The following GARRE1 variants were observed in gnomAD, a reference collection of about 807,000 sequenced individuals.
GARRE1 encodes the protein granule associated Rac and RHOG effector protein 1.
Under a neutral mutation model 103.2 loss-of-function variants are expected in GARRE1, and 49 were observed. The observed-to-expected ratio is 0.47, with a 90% CI of 0.38 to 0.60. GARRE1 has a LOEUF of 0.60. Ranked by LOEUF, GARRE1 falls within the 20% of genes least tolerant of loss-of-function variation. GARRE1 has a pLI of 0.00. For synonymous variants in GARRE1, 505 were observed against 532.8 expected (o/e 0.95, Z 0.72); for missense variants, 1,199 against 1,370.5 (o/e 0.87, Z 1.98).
At chr19:34,294,371 C>T (rs1317181640) in intron 1 of GARRE1, among the ~76,000 whole-genome samples, 1 of 151,274 alleles carries the variant, frequency 6.6e-6, no homozygotes, top group African/African-American at 2.4e-5. Context: ...TGCAATGAGC[C>T]ATGATTGTAT....
intron 1 of GARRE1, among the ~76,000 whole-genome samples, chr19:34,263,261 T>TAGAG (rs933855348): frequency 2.6e-4 from 29 of 110,128 alleles, no homozygotes; most frequent in East Asian, 1.1e-3. Flanking sequence ...CCTCTCTCGA[T>TAGAG]AGAGAGATAG....
chr19:34,348,858 A>C, intron 11 of GARRE1, 158 bp from the exon 12 acceptor site: 1 of 751,680 alleles, frequency 1.3e-6, no homozygotes, highest in Non-Finnish European at 2.2e-6. Context: ...TTTTGAAATA[A>C]GGCAAAGGAG....
intron 3 of GARRE1, among the ~76,000 whole-genome samples, chr19:34,325,718 G>A (rs368852581): frequency 2.6e-5 from 4 of 152,272 alleles, no homozygotes; most frequent in African/African-American, 9.6e-5. Flanking sequence ...AGCACGACCT[G>A]CCTAGACCTG....
intron 1 of GARRE1, among the ~76,000 whole-genome samples, chr19:34,257,324 A>C (rs2073680240): frequency 6.6e-6 from 1 of 152,154 alleles, no homozygotes; most frequent in Admixed American, 6.6e-5. Context: ...CTGGGATATC[A>C]CATGGGTTGG....
At chr19:34,283,975 G>T (rs1191625052) in intron 1 of GARRE1, among the ~76,000 whole-genome samples, 1 of 151,226 alleles carries the variant, frequency 6.6e-6, no homozygotes, top group Admixed American at 6.6e-5. Flanking sequence ...GGGACTACAG[G>T]CGCCCGCCAC....
intron 1 of GARRE1, among the ~76,000 whole-genome samples, chr19:34,259,457 A>G (rs954657553): frequency 3.9e-5 from 6 of 152,222 alleles, no homozygotes; most frequent in Admixed American, 1.3e-4. Context: ...CAGCCCAGTT[A>G]CTTTACTGGA....
chr19:34,275,232 A>G (rs946287310), intron 1 of GARRE1, among the ~76,000 whole-genome samples: 1 of 151,688 alleles, frequency 6.6e-6, no homozygotes, highest in Non-Finnish European at 1.5e-5. Context: ...ATTTTTTGTA[A>G]CAGCTTTATT....
chr19:34,275,680 A>G (rs775198644), intron 1 of GARRE1, among the ~76,000 whole-genome samples: 3 of 152,294 alleles, frequency 2.0e-5, no homozygotes, highest in African/African-American at 4.8e-5. Flanking sequence ...TACTGCTCCA[A>G]ACGTTCATCT....
chr19:34,352,627 A>T lies in GARRE1; in HGVS notation c.2905-20A>T. 1 of 1,595,966 alleles carries T rather than the reference A, an allele frequency of 6.3e-7. No individual in the cohort carries two copies. Among genetic ancestry groups the T allele is most frequent in the Non-Finnish European group, 8.6e-7 (1 of 1,165,496 alleles). On this transcript the variant is annotated intron_variant, in intron 13 of 13. Transcript: ENST00000299505. ...ATACATTGCCCGAAATGCCACTAAG[A>T]ACTCTCTTTTGTTTCTCAGGATAAC... is the stretch of plus-strand genomic sequence containing the variant.
intron 2 of GARRE1, among the ~76,000 whole-genome samples, chr19:34,302,723 G>C (rs995312496): frequency 1.1e-4 from 17 of 149,392 alleles, no homozygotes; most frequent in Admixed American, 4.0e-4. Context: ...TACATTTCTT[G>C]GGGTCTTTGA....
rs1568538067 is a variant in GARRE1 at position 34,307,689 on chromosome 19, TTATATATACATATATACTTATATATATAC to T, written c.495+6748_495+6776del. On this transcript the variant is annotated intron_variant, in intron 2 of 13. Transcript: ENST00000299505. ...TATATACTTATATATACATATATACTTATATATACATATATACTTATATATATACTATATATACATATATACTTATATAT... is the reference window on the plus strand; with the variant it reads ...TATATACTTATATATACATATATACTTATATATACATATATACTTATATAT... 1.9e-3 allele frequency among the ~76,000 whole-genome samples: 98 copies of T among 51,818 alleles called. 1 individual carries two copies. Among genetic ancestry groups the T allele is most frequent in the Non-Finnish European group, 6.6e-3 (82 of 12,372 alleles). 34.0% of individuals were successfully genotyped at this position (51,818 alleles called of 152,430 possible).
intron 1 of GARRE1, among the ~76,000 whole-genome samples, chr19:34,266,475 C>T (rs1474064060): frequency 2.6e-5 from 4 of 152,200 alleles, no homozygotes; most frequent in African/African-American, 9.6e-5. Context: ...GATTCCCCTG[C>T]CTCAGCCTCC....
intron 2 of GARRE1, among the ~76,000 whole-genome samples, chr19:34,303,879 G>C (rs1405993129): frequency 6.6e-6 from 1 of 152,120 alleles, no homozygotes; most frequent in African/African-American, 2.4e-5. Flanking sequence ...GACTCCCAAA[G>C]TGCTGGGATT....
intron 13 of GARRE1, among the ~76,000 whole-genome samples, chr19:34,352,171 G>A (rs1013654089): frequency 5.9e-5 from 9 of 152,032 alleles, no homozygotes; most frequent in African/African-American, 1.2e-4. Context: ...AGGCCAAGGC[G>A]GGTGGATCAC....
intron 7 of GARRE1, among the ~76,000 whole-genome samples, chr19:34,332,731 T>C (rs1171572419): frequency 2.6e-5 from 4 of 152,238 alleles, no homozygotes; most frequent in Admixed American, 1.3e-4. Context: ...TGTACAGTTT[T>C]ACCCCTTCTG....
rs545455624 is a variant in GARRE1 at position 34,309,255 on chromosome 19, A to G, written c.495+8287A>G. On this transcript the variant is annotated intron_variant, in intron 2 of 13. Coordinates refer to ENST00000299505, the MANE Select transcript of GARRE1 (RefSeq NM_014686.5). Reference sequence around the variant, plus strand: ...CTGATTTGTTCAACAAGTCAGTAGCATTAAAAGAAATTACACAGAATGTAC... The same window carrying G: ...CTGATTTGTTCAACAAGTCAGTAGCGTTAAAAGAAATTACACAGAATGTAC... Among the ~76,000 whole-genome samples the G allele has an allele frequency of 2.4e-4, 36 of 152,350 alleles. No homozygotes were observed. The South Asian group carries it at 7.5e-3, about 32-fold the overall frequency.
chr19:34,342,536 G>A, intron 10 of GARRE1, 81 bp downstream of exon 10: 1 of 1,279,394 alleles, frequency 7.8e-7, no homozygotes, highest in Non-Finnish European at 1.1e-6. Context: ...GTCTGCTGCA[G>A]CCTTACTTGT....
At chr19:34,269,272 A>G (rs1290307023) in intron 1 of GARRE1, among the ~76,000 whole-genome samples, 10 of 152,234 alleles carry the variant, frequency 6.6e-5, no homozygotes, top group Non-Finnish European at 1.0e-4. Context: ...TTGTTCCCAC[A>G]TGAGATTGGT....
At chr19:34,314,146 G>A (rs2074049355) in intron 2 of GARRE1, among the ~76,000 whole-genome samples, 1 of 152,056 alleles carries the variant, frequency 6.6e-6, no homozygotes, top group South Asian at 2.1e-4. Flanking sequence ...AGTAATTAAC[G>A]TGGACTCAGT....
Sources: gnomAD v4.1 joint callset for allele counts (sites outside exome capture counted in the v4.1 genomes callset) on GRCh38, gnomAD v4.1.1 for gene constraint, MANE v1.5 for transcripts, NCBI Gene and HGNC (gene_info 2026-07-23, HGNC 2026-07-21) for gene names.